RBFOX1: variants seen among roughly 807,000 people sequenced by gnomAD.
The protein encoded by RBFOX1 is RNA binding fox-1 homolog 1, also known as RNA binding protein fox-1 homolog 1.
In RBFOX1, 8 loss-of-function variants were observed where a neutral mutation model predicts 57.7. The observed-to-expected ratio is 0.14, with a 90% CI of 0.08 to 0.25. RBFOX1 has a LOEUF of 0.25. Among genes scored for constraint, RBFOX1 ranks in the 10% least tolerant of loss-of-function variants. RBFOX1 has a pLI of 1.00. For missense variants in RBFOX1, 611 were observed against 548.5 expected (o/e 1.11, Z -1.14); for synonymous variants, 326 against 222.4 (o/e 1.47, Z -4.15).
intron 2 of RBFOX1, among the ~76,000 whole-genome samples, chr16:5,502,665 G>A (rs1443546048): frequency 3.9e-5 from 6 of 152,142 alleles, no homozygotes; most frequent in Non-Finnish European, 7.4e-5. Context: ...GCTGGGAGTC[G>A]AAGGGGTTAG....
chr16:7,021,904 CTTTCTTTCT>C (rs1275011109), intron 3 of RBFOX1, among the ~76,000 whole-genome samples: 2 of 150,468 alleles, frequency 1.3e-5, no homozygotes, highest in East Asian at 3.9e-4. Flanking sequence ...TCTTTTCTTT[CTTTCTTTCT>C]TTTCTTTCTT....
intron 3 of RBFOX1, among the ~76,000 whole-genome samples, chr16:6,904,025 C>A (rs2069132957): frequency 6.6e-6 from 1 of 152,090 alleles, no homozygotes; most frequent in African/African-American, 2.4e-5. Flanking sequence ...CTACAAATGC[C>A]CCCACCTGAG....
intron 1 of RBFOX1, among the ~76,000 whole-genome samples, chr16:5,257,232 C>CAA (rs1341960317): frequency 1.3e-5 from 2 of 152,160 alleles, no homozygotes; most frequent in Admixed American, 1.3e-4. Flanking sequence ...GCAATATCTG[C>CAA]AAACAAACGT....
intron 4 of RBFOX1, among the ~76,000 whole-genome samples, chr16:5,908,095 T>TATATATAC (rs1567133450): frequency 7.1e-6 from 1 of 139,888 alleles, no homozygotes; most frequent in African/African-American, 3.0e-5. Context: ...TACACATATA[T>TATATATAC]ACACATATAT....
At chr16:5,673,586 T>A (rs1397725211) in intron 3 of RBFOX1, among the ~76,000 whole-genome samples, 5 of 152,180 alleles carry the variant, frequency 3.3e-5, no homozygotes, top group Non-Finnish European at 7.3e-5. Flanking sequence ...TGGAAGGGGC[T>A]CCATGGAGGG....
At chr16:7,120,554 G>C (rs767926568) in intron 4 of RBFOX1, among the ~76,000 whole-genome samples, 40 of 151,770 alleles carry the variant, frequency 2.6e-4, no homozygotes, top group Non-Finnish European at 1.6e-4. Flanking sequence ...CTAATTCCTT[G>C]ACAACCATTA....
chr16:6,015,595 C>T (rs2094988633), upstream of RBFOX1, among the ~76,000 whole-genome samples: 1 of 152,218 alleles, frequency 6.6e-6, no homozygotes, highest in Admixed American at 6.5e-5. Context: ...TTAACTTCAA[C>T]AGGACTCTAT....
At position 7,587,142 on chromosome 16, in the gene RBFOX1, G is replaced by C. The variant is rs1292464346; in HGVS notation, c.415-105G>C. On this transcript the variant is annotated intron_variant, in intron 6 of 15. Coordinates refer to ENST00000550418, the MANE Select transcript of RBFOX1 (RefSeq NM_018723.4). ...ATAAAACATAAAATGTGTATCCTTG[G>C]TATTAAAAGAGAAAAAAATGGACGT... is the stretch of plus-strand genomic sequence containing the variant. 3.2e-6 allele frequency: 4 copies of C among 1,260,268 alleles called. No homozygotes were observed. The African/African-American group carries it at 6.1e-5, about 19-fold the overall frequency. 78.1% of individuals were successfully genotyped at this position (1,260,268 alleles called of 1,614,324 possible). A position where few individuals can be genotyped will look rare whatever the true frequency, so the allele number is the denominator to read the frequency against.
chr16:5,520,418 C>G (rs749594406), intron 2 of RBFOX1, among the ~76,000 whole-genome samples: 8 of 152,192 alleles, frequency 5.3e-5, no homozygotes, highest in African/African-American at 9.6e-5. Context: ...TAACTCACCC[C>G]CTGTCTTCTC....
chr16:6,930,068 C>T lies in RBFOX1; in HGVS notation c.-15-121989C>T, dbSNP rs951032234. ...CCCTCTCTCCCATAGCAAACCAGCC[C>T]TGCTGGTTATGCTGGTTTACTCGGC... On this transcript the variant is annotated intron_variant, in intron 3 of 15. Coordinates refer to ENST00000550418, the MANE Select transcript of RBFOX1 (RefSeq NM_018723.4). Among the ~76,000 whole-genome samples the T allele has an allele frequency of 2.0e-5, 3 of 152,166 alleles. No individual in the cohort carries two copies. In the South Asian group the frequency reaches 6.2e-4, roughly 32 times the overall value.
chr16:7,563,670 A>T (rs149053832), intron 5 of RBFOX1, among the ~76,000 whole-genome samples: 1 of 152,126 alleles, frequency 6.6e-6, no homozygotes, highest in Non-Finnish European at 1.5e-5. Flanking sequence ...GGGTTTCACT[A>T]TGTTGGCCAG....
chr16:5,609,219 T>A (rs56191819), intron 3 of RBFOX1, among the ~76,000 whole-genome samples: 9,008 of 152,288 alleles, frequency 0.059, 373 homozygotes, highest in African/African-American at 0.12. Context: ...TCCCATGGCT[T>A]GCTTTTAAGT....
chr16:6,434,340 C>G (rs1357821520), intron 2 of RBFOX1, among the ~76,000 whole-genome samples: 3 of 152,100 alleles, frequency 2.0e-5, no homozygotes, highest in Non-Finnish European at 4.4e-5. Flanking sequence ...CTCCAATGGC[C>G]AAGGCTTCCT....
chr16:7,370,210 C>T (rs1330139211), intron 4 of RBFOX1, among the ~76,000 whole-genome samples: 1 of 152,114 alleles, frequency 6.6e-6, no homozygotes, highest in East Asian at 1.9e-4. Flanking sequence ...GCCATTGTCC[C>T]CTGGGGAGGG....
intron 4 of RBFOX1, among the ~76,000 whole-genome samples, chr16:7,499,168 C>A (rs1369225471): frequency 1.3e-5 from 2 of 152,172 alleles, no homozygotes; most frequent in Admixed American, 6.5e-5. Context: ...GTGGATAGGA[C>A]TGGTTCCTTC....
chr16:5,464,608 A>G (rs1042446689), intron 1 of RBFOX1, among the ~76,000 whole-genome samples: 1 of 135,586 alleles, frequency 7.4e-6, no homozygotes, highest in Admixed American at 7.7e-5. Context: ...CTCTCAGTAC[A>G]GTGTTCTCCT....
At chr16:7,353,857 A>T (rs1367511511) in intron 4 of RBFOX1, among the ~76,000 whole-genome samples, 5 of 152,224 alleles carry the variant, frequency 3.3e-5, no homozygotes, top group Non-Finnish European at 7.3e-5. Context: ...TTTTGAGGTG[A>T]TGAAAATGTT....
Position 7,559,917 on chromosome 16 carries a change from G to C in RBFOX1, c.271-19860G>C, listed in dbSNP as rs1180497801. Among the ~76,000 whole-genome samples, 105 of 152,322 alleles carry C rather than the reference G, an allele frequency of 6.9e-4. 1 individual carries two copies. The highest frequency in any genetic ancestry group is 8.8e-5 in the Non-Finnish European group (6 of 68,030). On this transcript the variant is annotated intron_variant, in intron 5 of 15. Coordinates refer to ENST00000550418, the MANE Select transcript of RBFOX1 (RefSeq NM_018723.4). ...AATAGTTGTCTTTGGTCAACTGTTG[G>C]TCAAATGCTACACAATTACAGGATT...
chr16:6,684,908 A>G (rs2059198350), intron 3 of RBFOX1, among the ~76,000 whole-genome samples: 2 of 152,206 alleles, frequency 1.3e-5, no homozygotes, highest in African/African-American at 2.4e-5. Context: ...ACGAAGTCCT[A>G]GGCATACTTT....
Sources: allele counts gnomAD v4.1 joint callset (sites outside exome capture counted in the v4.1 genomes callset), GRCh38; gene constraint gnomAD v4.1.1; transcripts MANE v1.5; gene names NCBI Gene and HGNC (gene_info 2026-07-23, HGNC 2026-07-21).